The following NUP42 variants were observed in gnomAD, a reference collection of about 807,000 sequenced individuals.
NUP42 encodes the protein nucleoporin 42, also known as nucleoporin NUP42.
A neutral mutation model predicts 35.9 loss-of-function variants in NUP42; 47 were observed. The ratio of observed to expected loss-of-function variants is 1.31; its 90% CI spans 1.04 to 1.67. NUP42 has a LOEUF of 1.67. Among genes scored for constraint, NUP42 ranks in the 40% most tolerant of loss-of-function variants. The pLI is 0.00. For missense variants in NUP42, 514 were observed against 492.2 expected (o/e 1.04, Z -0.42); for synonymous variants, 173 against 173.3 (o/e 1.00, Z 0.01).
chr7:23,187,345 A>G, intron 3 of NUP42, 199 bp downstream of exon 3: 1 of 439,794 alleles, frequency 2.3e-6, no homozygotes, highest in Non-Finnish European at 4.0e-6. Context: ...TTTAAGACAT[A>G]TAGTTCTTGG....
At chr7:23,187,291 G>C in intron 3 of NUP42, 145 bp downstream of exon 3, 1 of 561,254 alleles carries the variant, frequency 1.8e-6, no homozygotes, top group South Asian at 2.6e-5. Context: ...GAGTATTCTA[G>C]CCAAACTTCA....
chr7:23,200,329 C>G lies in NUP42; in HGVS notation c.856C>G (p.Pro286Ala), dbSNP rs1436268459. The change falls in exon 7 of 7, where the codon CCA becomes GCA. Residue 286 changes from proline (P) to alanine (A), a missense_variant. Pro to Ala is a conservative substitution (Grantham distance 27, BLOSUM62 -1). Coordinates refer to ENST00000258742, the MANE Select transcript of NUP42 (RefSeq NM_007342.3). Reference sequence around the variant, plus strand: ...CAGTTCAGGTATCTCTACTTCTGCTCCAGCTTTTGGATTTGGGAAGCCTGA... The same window carrying G: ...CAGTTCAGGTATCTCTACTTCTGCTGCAGCTTTTGGATTTGGGAAGCCTGA... ...STSSGISTSA[P>A]AFGFGKPEVT... is the part of the protein sequence containing the mutation. 4.4e-6 allele frequency: 7 copies of G among 1,608,314 alleles called. No individual in the cohort carries two copies. Among genetic ancestry groups the G allele is most frequent in the Middle Eastern group, 1.6e-4 (1 of 6,062 alleles).
At chr7:23,187,404 C>T in intron 3 of NUP42, 1 of 276,952 alleles carries the variant, frequency 3.6e-6, no homozygotes, top group South Asian at 6.9e-5. Context: ...GTTCTTGATT[C>T]CCTGTATGTA....
chr7:23,200,888 T>G lies in NUP42; in HGVS notation c.*143T>G, dbSNP rs868812831. The stretch of plus-strand genomic sequence containing the variant: ...GTGATTTTAAATTTGATTTTTTTCT[T>G]AACTCTAAATATTTAAGTAAAAAGT... On this transcript the variant is annotated 3_prime_UTR_variant, in exon 7 of 7. Coordinates refer to ENST00000258742, the MANE Select transcript of NUP42 (RefSeq NM_007342.3). 6.5e-6 allele frequency: 3 copies of G among 460,602 alleles called. No homozygotes were observed. Among genetic ancestry groups the G allele is most frequent in the Middle Eastern group, 5.9e-4 (1 of 1,692 alleles). The allele number at this position is 460,602 out of a possible 1,614,324, so 28.5% of individuals were successfully genotyped here.
chr7:23,191,822 C>G (rs937748588), intron 3 of NUP42, among the ~76,000 whole-genome samples: 1 of 151,888 alleles, frequency 6.6e-6, no homozygotes, highest in Non-Finnish European at 1.5e-5. Context: ...CCTGTCTCTA[C>G]CAGGGTGTGG....
intron 3 of NUP42, chr7:23,187,941 T>A: frequency 2.3e-6 from 1 of 444,290 alleles, no homozygotes; most frequent in Non-Finnish European, 3.9e-6. Flanking sequence ...TCTCTGTCTC[T>A]CTCTCTCTCT....
intron 1 of NUP42, among the ~76,000 whole-genome samples, chr7:23,182,795 T>G (rs1202281256): frequency 7.4e-6 from 1 of 135,746 alleles, no homozygotes; most frequent in Non-Finnish European, 1.5e-5. Context: ...GCGCCTGTAA[T>G]CCCAGCTACT....
chr7:23,192,558 A>G (rs1027147358), intron 3 of NUP42, among the ~76,000 whole-genome samples: 38 of 151,822 alleles, frequency 2.5e-4, no homozygotes, highest in East Asian at 3.9e-4. Context: ...AAAAAAAAAA[A>G]AAAAAGAAAA....
intron 5 of NUP42, among the ~76,000 whole-genome samples, chr7:23,197,469 T>G (rs1351119411): frequency 1.3e-5 from 2 of 152,234 alleles, no homozygotes; most frequent in South Asian, 2.1e-4. Context: ...AACTAGACTC[T>G]TGTGCAAGCT....
rs557720063 is a variant in NUP42 at position 23,191,493 on chromosome 7, C to G, written c.446-4346C>G. On this transcript the variant is annotated intron_variant, in intron 3 of 6. Transcript: ENST00000258742. ...GGGAAAGAGAAATCCAAGGTGATTC[C>G]TAGGGTTTTTTGGCCTGAGAGGTCA... Among the ~76,000 whole-genome samples the G allele has an allele frequency of 3.5e-4, 53 of 152,012 alleles. 2 individuals are homozygous for G. In the South Asian group the frequency reaches 7.9e-3, roughly 23 times the overall value.
At position 23,196,438 on chromosome 7, in the gene NUP42, A is replaced by G. The variant is rs576232586; in HGVS notation, c.523-242A>G. On this transcript the variant is annotated intron_variant, in intron 4 of 6. Coordinates refer to ENST00000258742, the MANE Select transcript of NUP42 (RefSeq NM_007342.3). ...ACCGCCCATCCAAATATAACTAACT[A>G]CGTGCTGCCAGGTACTTGTGATACT... The G allele has an allele frequency of 2.6e-4, 112 of 432,634 alleles. 3 individuals carry two copies. In the South Asian group the frequency reaches 3.2e-3, roughly 12 times the overall value. 26.8% of individuals were successfully genotyped at this position (432,634 alleles called of 1,614,324 possible).
At chr7:23,199,620 C>T (rs763149130) in intron 6 of NUP42, 78 bp downstream of exon 6, 4 of 1,199,366 alleles carry the variant, frequency 3.3e-6, no homozygotes, top group Middle Eastern at 1.9e-4. Flanking sequence ...AAGCCTGAAT[C>T]GCCATTTTAA....
rs972971442 is a variant in NUP42 at position 23,200,499 on chromosome 7, G to A, written c.1026G>A (p.Val342=). Residue 342 remains valine, a synonymous_variant, in exon 7 of 7, where the codon GTG becomes GTA. Transcript: ENST00000258742. Reference sequence around the variant, plus strand: ...CAGCCTTTGGAGGTGGCAGTTCTGTGGCTGGTTTTGGTAGTCCGGGCTCAC... The same window carrying A: ...CAGCCTTTGGAGGTGGCAGTTCTGTAGCTGGTTTTGGTAGTCCGGGCTCAC... The part of the protein sequence containing the change: ...VAPAFGGGSS[V]AGFGSPGSHS... 1.4e-5 allele frequency: 23 copies of A among 1,613,974 alleles called. No individual in the cohort carries two copies. In the East Asian group the frequency reaches 5.1e-4, roughly 36 times the overall value.
At chr7:23,183,610 A>G (rs1327215258) in intron 1 of NUP42, among the ~76,000 whole-genome samples, 2 of 152,052 alleles carry the variant, frequency 1.3e-5, no homozygotes, top group Non-Finnish European at 2.9e-5. Flanking sequence ...TCCACAATTA[A>G]TCTAGTGAAA....
intron 3 of NUP42, chr7:23,194,696 G>GTTTTT (rs1311582711): frequency 5.9e-6 from 1 of 170,420 alleles, no homozygotes; most frequent in Non-Finnish European, 1.2e-5. Flanking sequence ...TTTTGTTTTT[G>GTTTTT]TTTTTGTTTT....
Position 23,182,182 on chromosome 7 carries a change from C to T in NUP42, c.97C>T (p.Gln33Ter), listed in dbSNP as rs1177304333. ...TGCTAGGGGTGCAGGAGGAGGACGG[C>T]AGCAACCGCAGCAGCAGCCTTCAGG... ...PGARGAGGGR[Q>*]QPQQQPSGNN... Residue 33 changes from glutamine (Q) to a stop codon, truncating the protein, a stop_gained, in exon 1 of 7, where the codon CAG (glutamine) becomes TAG (stop). Transcript: ENST00000258742. LOFTEE classifies it high-confidence loss of function. 1.9e-6 allele frequency: 3 copies of T among 1,612,538 alleles called. No homozygotes were observed. The highest frequency in any genetic ancestry group is 2.5e-6 in the Non-Finnish European group (3 of 1,179,340).
At chr7:23,189,757 C>G (rs939787656) in intron 3 of NUP42, among the ~76,000 whole-genome samples, 1 of 151,792 alleles carries the variant, frequency 6.6e-6, no homozygotes, top group Non-Finnish European at 1.5e-5. Context: ...CTAAAAAATA[C>G]AAAAAATTAG....
chr7:23,182,050 A>T lies in NUP42; in HGVS notation c.-36A>T, dbSNP rs570184646. On this transcript the variant is annotated 5_prime_UTR_variant, in exon 1 of 7. Transcript: ENST00000258742. Reference sequence around the variant, plus strand: ...CCCAGTAACAGGCATCGAACGGTGCAGACTGAAGACGCCCTCCGTCAGCGA... The same window carrying T: ...CCCAGTAACAGGCATCGAACGGTGCTGACTGAAGACGCCCTCCGTCAGCGA... The T allele has an allele frequency of 6.8e-6, 11 of 1,611,414 alleles. No homozygotes were observed. The African/African-American group carries it at 1.3e-4, about 20-fold the overall frequency.
In NUP42 at chr7:23,185,156, G is replaced by A. The variant is rs144959659; in HGVS notation, c.208G>A (p.Gly70Arg). The change falls in exon 2 of 7, where the codon GGG becomes AGG. Residue 70 changes from glycine to arginine, a missense_variant. By Grantham distance (125) the Gly-to-Arg change is moderately radical. Transcript: ENST00000258742. ...CAGTTTCTCCAAATCCACACCATGG[G>A]GGGGCAGCAGAGATCAAGAAAAGCC... is the stretch of plus-strand genomic sequence containing the variant. ...PSSFSKSTPW[G>R]GSRDQEKPYF... 3.1e-6 allele frequency: 5 copies of A among 1,614,064 alleles called. No individual in the cohort carries two copies. The highest frequency in any genetic ancestry group is 1.7e-5 in the Admixed American group (1 of 60,002).
Sources: allele counts gnomAD v4.1 joint callset (sites outside exome capture counted in the v4.1 genomes callset), GRCh38; gene constraint gnomAD v4.1.1; transcripts MANE v1.5; gene names NCBI Gene and HGNC (gene_info 2026-07-23, HGNC 2026-07-21).